Variants in RPH3AL observed in about 807,000 individuals in gnomAD.
RPH3AL encodes rabphilin 3A like (without C2 domains).
A neutral mutation model predicts 43.1 loss-of-function variants in RPH3AL; 38 were observed. The ratio of observed to expected loss-of-function variants is 0.88; its 90% confidence interval spans 0.68 to 1.15. The LOEUF (loss-of-function observed/expected upper bound fraction) is 1.15. Ranked by LOEUF, RPH3AL falls within the 50% of genes most tolerant of loss-of-function variation. RPH3AL has a pLI of 0.00. For synonymous variants in RPH3AL, 189 were observed against 176.3 expected, an observed-to-expected ratio of 1.07 and a Z score of -0.57; for missense variants, 462 against 423.2, an observed-to-expected ratio of 1.09 and a Z score of -0.81.
chr17:214,108 GA>G (rs2040735536), intron 9 of RPH3AL, among the ~76,000 whole-genome samples, 185 bp from the exon 10 acceptor site: 1 of 152,232 alleles, frequency 6.6e-6, no homozygotes, highest in Non-Finnish European at 1.5e-5. Flanking sequence ...GTGATGGCAG[GA>G]AAGTCACCTG....
At chr17:267,333 TA>T (rs549016853) in intron 6 of RPH3AL, among the ~76,000 whole-genome samples, 192 of 152,322 alleles carry the variant, frequency 1.3e-3, no homozygotes, top group Non-Finnish European at 2.2e-3. Context: ...GCAGGCCTGT[TA>T]CAATGGTGAT....
At chr17:317,059 C>G (rs1373457407) in intron 5 of RPH3AL, among the ~76,000 whole-genome samples, 165 of 149,128 alleles carry the variant, frequency 1.1e-3, no homozygotes, top group African/African-American at 4.1e-3. Context: ...CTGTGCCCCA[C>G]CTCCACTGAC....
Position 281,799 on chromosome 17 carries a change from C to A in RPH3AL, c.407G>T (p.Trp136Leu). Residue 136 changes from tryptophan to leucine, a missense_variant, in exon 6 of 10, where the codon TGG becomes TTG. Trp to Leu is a moderately conservative substitution (Grantham distance 61). Coordinates refer to ENST00000331302, the MANE Select transcript of RPH3AL (RefSeq NM_006987.4). ...EASPGQKRPL[W>L]LCKICSEQRE... ...TTGCTCACTGCAGATCTTACACAGCCACAGGGGCCGCTTCTGGCCAGGGGA... is the reference window on the plus strand; with the variant it reads ...TTGCTCACTGCAGATCTTACACAGCAACAGGGGCCGCTTCTGGCCAGGGGA... The A allele has an allele frequency of 2.5e-6, 4 of 1,614,122 alleles. No homozygotes were observed. Among genetic ancestry groups the A allele is most frequent in the Non-Finnish European group, 3.4e-6 (4 of 1,180,030 alleles).
chr17:247,286 C>T lies in RPH3AL; in HGVS notation c.439-1G>A, dbSNP rs751994717. On this transcript the variant is annotated splice_acceptor_variant, in intron 6 of 9. Coordinates refer to ENST00000331302, the MANE Select transcript of RPH3AL (RefSeq NM_006987.4). LOFTEE classifies it high-confidence loss of function. ...ACCAGGCCCCCGACCTCTTCCAGAC[C>T]TGAGTGGGGGAAGAGAGCTGCTTGG... 42 of 1,569,376 alleles carry T rather than the reference C, an allele frequency of 2.7e-5. No homozygotes were observed. Among genetic ancestry groups the T allele is most frequent in the South Asian group, 1.1e-4 (9 of 84,426 alleles).
chr17:240,949 C>G (rs1346971399), intron 7 of RPH3AL, among the ~76,000 whole-genome samples: 1 of 151,608 alleles, frequency 6.6e-6, no homozygotes, highest in African/African-American at 2.4e-5. Flanking sequence ...CCCAGCTACT[C>G]AGGAGGCTGA....
intron 7 of RPH3AL, among the ~76,000 whole-genome samples, chr17:227,786 G>A (rs541511207): frequency 3.3e-5 from 5 of 152,272 alleles, no homozygotes; most frequent in African/African-American, 1.2e-4. Flanking sequence ...AAAGCCCCCA[G>A]AAATTATGGG....
chr17:317,497 C>G (rs1253387245), intron 5 of RPH3AL, among the ~76,000 whole-genome samples: 36 of 150,152 alleles, frequency 2.4e-4, no homozygotes, highest in Middle Eastern at 6.9e-3. Flanking sequence ...CCTCCATTGA[C>G]CTGTAGTCCC....
At chr17:315,683 GACC>G (rs2044040192) in intron 5 of RPH3AL, among the ~76,000 whole-genome samples, 1 of 145,462 alleles carries the variant, frequency 6.9e-6, no homozygotes. Context: ...TAGTCCCTGT[GACC>G]CCACCTCCAT....
chr17:308,519 T>TGCC (rs1429625893), intron 5 of RPH3AL, among the ~76,000 whole-genome samples: 1 of 152,210 alleles, frequency 6.6e-6, no homozygotes, highest in Non-Finnish European at 1.5e-5. Context: ...GCAGCATTGT[T>TGCC]CACAATAGCT....
intron 5 of RPH3AL, among the ~76,000 whole-genome samples, chr17:296,659 G>A (rs1361042478): frequency 6.6e-6 from 1 of 152,238 alleles, no homozygotes. Flanking sequence ...ACCTCTGAGG[G>A]GCTGTGGGGG....
At chr17:253,197 C>G (rs2041954204) in intron 6 of RPH3AL, among the ~76,000 whole-genome samples, 1 of 152,328 alleles carries the variant, frequency 6.6e-6, no homozygotes, top group South Asian at 2.1e-4. Flanking sequence ...TGGAGCTACC[C>G]TGCCATCCCT....
intron 6 of RPH3AL, among the ~76,000 whole-genome samples, chr17:275,136 C>T (rs2042622644): frequency 6.6e-6 from 1 of 151,498 alleles, no homozygotes; most frequent in Non-Finnish European, 1.5e-5. Context: ...CCCCATAATC[C>T]AAGAGAAACC....
rs1048069297 is a variant in RPH3AL at position 289,497 on chromosome 17, AC to A, written c.352-7644del. On this transcript the variant is annotated intron_variant, in intron 5 of 9. Coordinates refer to ENST00000331302, the MANE Select transcript of RPH3AL (RefSeq NM_006987.4). The surrounding 1 kb of genome is among the most constrained non-coding windows in gnomAD (Gnocchi z 5.2). ...GCCGCCCAGCAGATCTCTCTACCCC[AC>A]CGCGCTGTCCTCCAGCTGGTTCCCG... Among the ~76,000 whole-genome samples, 1 of 151,610 alleles carries A rather than the reference AC, an allele frequency of 6.6e-6. No homozygotes were observed. The highest frequency in any genetic ancestry group is 1.5e-5 in the Non-Finnish European group (1 of 67,938).
At chr17:334,556 G>A (rs1201704629) in intron 1 of RPH3AL, among the ~76,000 whole-genome samples, 8 of 135,602 alleles carry the variant, frequency 5.9e-5, no homozygotes, top group African/African-American at 1.1e-4. Context: ...TTCTCCCCAC[G>A]CCTTCCCCCA....
At chr17:321,606 C>A in intron 3 of RPH3AL, 191 bp from the exon 4 acceptor site, 3 of 573,502 alleles carry the variant, frequency 5.2e-6, no homozygotes, top group Non-Finnish European at 8.7e-6. Flanking sequence ...ACAGAGACGG[C>A]CCAGGTGGCA....
At chr17:349,897 A>G (rs2045320033) in intron 1 of RPH3AL, among the ~76,000 whole-genome samples, 1 of 152,194 alleles carries the variant, frequency 6.6e-6, no homozygotes, top group South Asian at 2.1e-4. Context: ...GAGGGCCATC[A>G]GCACCCTGAT....
chr17:303,128 G>A (rs573036965), intron 5 of RPH3AL, among the ~76,000 whole-genome samples: 33 of 152,220 alleles, frequency 2.2e-4, no homozygotes, highest in African/African-American at 4.3e-4. Context: ...CGTTAAGGTT[G>A]GCGGCTCATG....
At chr17:296,975 G>GT (rs2043198163) in intron 5 of RPH3AL, among the ~76,000 whole-genome samples, 1 of 152,186 alleles carries the variant, frequency 6.6e-6, no homozygotes, top group Admixed American at 6.5e-5. Context: ...AGGACAAACC[G>GT]TAACACCGAT....
intron 5 of RPH3AL, among the ~76,000 whole-genome samples, chr17:317,583 G>A (rs2044321256): frequency 6.6e-6 from 1 of 152,014 alleles, no homozygotes; most frequent in African/African-American, 2.4e-5. Flanking sequence ...CCTTGGCAAG[G>A]CTGAAGGAGG....
Sources: gnomAD v4.1 joint callset for allele counts (sites outside exome capture counted in the v4.1 genomes callset) on GRCh38, gnomAD v4.1.1 for gene constraint, Gnocchi (gnomAD v3.1) non-coding constraint, MANE v1.5 for transcripts, NCBI Gene and HGNC (gene_info 2026-07-23, HGNC 2026-07-21) for gene names.